KIAA1217: variants seen among roughly 807,000 people sequenced by gnomAD.
The protein encoded by KIAA1217 is sickle tail protein homolog.
Under a neutral mutation model 163.9 loss-of-function variants are expected in KIAA1217, and 88 were observed. That is an observed-to-expected ratio of 0.54 (90% CI 0.45 to 0.64). The LOEUF (loss-of-function observed/expected upper bound fraction) is 0.64, where lower values mean the gene tolerates loss of function less well. KIAA1217 is among the 30% of genes least tolerant of loss of function. The probability of loss-of-function intolerance (pLI) is 0.00; values close to 1 mark genes in which losing one functional copy is unlikely to be tolerated. For missense variants in KIAA1217, 2,372 were observed against 2,475.0 expected (o/e 0.96, Z 0.88); for synonymous variants, 903 against 923.1 (o/e 0.98, Z 0.39).
intron 2 of KIAA1217, among the ~76,000 whole-genome samples, chr10:24,079,824 A>G (rs138059092): frequency 1.8e-4 from 27 of 152,352 alleles, no homozygotes; most frequent in Non-Finnish European, 3.4e-4. Flanking sequence ...AACTGAATTG[A>G]AACACTGGTG....
intron 1 of KIAA1217, among the ~76,000 whole-genome samples, chr10:23,717,827 T>C (rs1837661971): frequency 6.6e-6 from 1 of 152,150 alleles, no homozygotes; most frequent in Non-Finnish European, 1.5e-5. Flanking sequence ...ATTAACTTTT[T>C]CTAAAATCAG....
Position 24,501,440 on chromosome 10 carries a change from C to T in KIAA1217, c.1896C>T (p.Ser632=), listed in dbSNP as rs139693323. Residue 632 remains serine, a synonymous_variant, in exon 9 of 21, where the codon AGC becomes AGT. Transcript: ENST00000376454. ...LSALESTVPP[S]QPPPVGTSAI... ...CTCTGGAGTCCACGGTGCCTCCCAG[C>T]CAGCCTCCACCTGTGGGCACCTCAG... 10 of 1,614,064 alleles carry T rather than the reference C, an allele frequency of 6.2e-6. No homozygotes were observed. In the African/African-American group the frequency reaches 1.3e-4, roughly 22 times the overall value.
intron 1 of KIAA1217, among the ~76,000 whole-genome samples, chr10:23,710,882 G>T (rs1023295757): frequency 3.9e-5 from 6 of 152,264 alleles, no homozygotes; most frequent in African/African-American, 1.2e-4. Context: ...ATTCTCTAGG[G>T]TCTGATCAAT....
At chr10:24,489,423 A>G (rs2065816533) in intron 6 of KIAA1217, among the ~76,000 whole-genome samples, 1 of 152,106 alleles carries the variant, frequency 6.6e-6, no homozygotes, top group Admixed American at 6.5e-5. Context: ...TAATAGGGGA[A>G]TCGCCAGCTT....
intron 1 of KIAA1217, among the ~76,000 whole-genome samples, chr10:23,995,835 G>A (rs181267817): frequency 4.6e-5 from 7 of 152,194 alleles, no homozygotes; most frequent in East Asian, 1.9e-4. Flanking sequence ...AAGGTTAAGC[G>A]TATGGCTGAA....
At chr10:23,784,526 TG>T (rs369667837) in intron 1 of KIAA1217, among the ~76,000 whole-genome samples, 222 of 152,302 alleles carry the variant, frequency 1.5e-3, no homozygotes, top group African/African-American at 5.1e-3. Context: ...TTAGATCCTT[TG>T]TTCTTTATTT....
chr10:24,091,591 A>G (rs1031809669), intron 2 of KIAA1217, among the ~76,000 whole-genome samples: 3 of 151,794 alleles, frequency 2.0e-5, no homozygotes, highest in Non-Finnish European at 2.9e-5. Flanking sequence ...TCCTGTACCT[A>G]CCCAGGTCCT....
At chr10:24,459,726 C>G (rs559319196) in intron 5 of KIAA1217, among the ~76,000 whole-genome samples, 1 of 151,734 alleles carries the variant, frequency 6.6e-6, no homozygotes, top group East Asian at 1.9e-4. Context: ...AGTTTGAGGC[C>G]AGCCTGGGCA....
intron 2 of KIAA1217, among the ~76,000 whole-genome samples, chr10:24,261,637 G>A (rs2075737335): frequency 6.6e-6 from 1 of 152,054 alleles, no homozygotes; most frequent in Non-Finnish European, 1.5e-5. Context: ...CCCAGTCTTT[G>A]ATGGTTTAGA....
chr10:24,271,083 A>G (rs2076729473), intron 2 of KIAA1217, among the ~76,000 whole-genome samples: 2 of 152,344 alleles, frequency 1.3e-5, no homozygotes, highest in East Asian at 1.9e-4. Context: ...TAATTTGTCT[A>G]TAATTTTTCC....
rs2064851129 is a variant in KIAA1217 at position 24,155,879 on chromosome 10, C to T, written c.-170-63747C>T. On this transcript the variant is annotated intron_variant, in intron 2 of 18. Coordinates refer to the KIAA1217 transcript ENST00000376462. ...GTCTCTGGGGATCATTTGGGCCACT[C>T]TGTGACCTGAAGTTGAGCTAAGAGT... Among the ~76,000 whole-genome samples the T allele has an allele frequency of 1.3e-5, 2 of 152,066 alleles. 1 individual carries two copies. The highest frequency in any genetic ancestry group is 3.9e-4 in the East Asian group (2 of 5,194).
At chr10:24,461,887 T>A (rs1304439006) in intron 5 of KIAA1217, among the ~76,000 whole-genome samples, 1 of 152,110 alleles carries the variant, frequency 6.6e-6, no homozygotes, top group Non-Finnish European at 1.5e-5. Flanking sequence ...ACCCTGTGCC[T>A]CTGTGGGTGG....
intron 19 of KIAA1217, 101 bp downstream of exon 19, chr10:24,544,582 C>A: frequency 1.5e-6 from 2 of 1,374,096 alleles, no homozygotes; most frequent in Non-Finnish European, 1.9e-6. Flanking sequence ...TGCTTTCTTT[C>A]AGGTGGCTTT....
At chr10:23,892,224 T>C (rs1211101515) in intron 1 of KIAA1217, among the ~76,000 whole-genome samples, 1 of 152,036 alleles carries the variant, frequency 6.6e-6, no homozygotes, top group Admixed American at 6.6e-5. Context: ...AATGTTTTAA[T>C]ATCTGTTCAA....
At chr10:24,168,537 A>C (rs2065467191) in intron 2 of KIAA1217, among the ~76,000 whole-genome samples, 1 of 152,210 alleles carries the variant, frequency 6.6e-6, no homozygotes, top group Admixed American at 6.5e-5. Context: ...TACATGGGAC[A>C]CCTACATTTT....
intron 2 of KIAA1217, among the ~76,000 whole-genome samples, chr10:24,338,657 TTTC>T (rs1176972391): frequency 6.6e-6 from 1 of 152,264 alleles, no homozygotes; most frequent in Non-Finnish European, 1.5e-5. Flanking sequence ...TGAAATAGGT[TTTC>T]TTTTCACATA....
At chr10:24,434,038 T>C (rs868462692) in intron 4 of KIAA1217, among the ~76,000 whole-genome samples, 2,720 of 139,148 alleles carry the variant, frequency 0.02, 55 homozygotes, top group Non-Finnish European at 0.028. Context: ...TTTTTTTTTT[T>C]TTTTTTTTTT....
intron 1 of KIAA1217, among the ~76,000 whole-genome samples, chr10:23,866,596 G>A (rs557931002): frequency 2.4e-4 from 37 of 152,088 alleles, no homozygotes; most frequent in African/African-American, 8.2e-4. Flanking sequence ...CTCCTGGGAA[G>A]GACCCATCCC....
intron 5 of KIAA1217, among the ~76,000 whole-genome samples, chr10:24,447,214 T>C (rs925427157): frequency 6.6e-6 from 1 of 152,114 alleles, no homozygotes; most frequent in Non-Finnish European, 1.5e-5. Context: ...TTATTCTTTT[T>C]TTAATGAATG....
Sources: gnomAD v4.1 joint callset for allele counts (sites outside exome capture counted in the v4.1 genomes callset) on GRCh38, gnomAD v4.1.1 for gene constraint, MANE v1.5 for transcripts, NCBI Gene and HGNC (gene_info 2026-07-23, HGNC 2026-07-21) for gene names.